Variants in NAALADL2 observed in about 807,000 individuals in gnomAD.
The protein encoded by NAALADL2 is inactive N-acetylated-alpha-linked acidic dipeptidase-like protein 2.
Under a neutral mutation model 87.2 loss-of-function variants are expected in NAALADL2, and 76 were observed. That is an observed-to-expected ratio of 0.87 (90% confidence interval 0.72 to 1.05). The LOEUF is 1.05. Ranked by LOEUF, NAALADL2 falls within the 50% of genes least tolerant of loss-of-function variation. NAALADL2 has a pLI of 0.00. For missense variants in NAALADL2, 1,089 were observed against 945.8 expected (o/e 1.15, Z -1.99); for synonymous variants, 354 against 331.0 (o/e 1.07, Z -0.75).
chr3:174,564,706 A>G lies in NAALADL2; in HGVS notation c.-115+14069A>G, dbSNP rs540113387. On this transcript the variant is annotated intron_variant, in intron 2 of 3. Transcript: ENST00000434257. ...TGCACATACAATTGAGAATTGTTAT[A>G]TATTCCTAATGAATTTAGTGATTTA... is the stretch of plus-strand genomic sequence containing the variant. Among the ~76,000 whole-genome samples, 3 of 152,230 alleles carry G rather than the reference A, an allele frequency of 2.0e-5. No homozygotes were observed. The South Asian group carries it at 6.2e-4, about 32-fold the overall frequency.
chr3:175,302,781 A>G (rs1438016409), intron 4 of NAALADL2, among the ~76,000 whole-genome samples: 1 of 151,904 alleles, frequency 6.6e-6, no homozygotes. Context: ...TGCAGTCACA[A>G]ATATAAATGT....
chr3:175,093,146 TTGAA>T (rs1368642010), intron 1 of NAALADL2, among the ~76,000 whole-genome samples: 18 of 151,792 alleles, frequency 1.2e-4, no homozygotes, highest in African/African-American at 4.1e-4. Flanking sequence ...TAATAAAAAA[TTGAA>T]TGGCATTATT....
chr3:174,623,836 T>A (rs1260660101), intron 2 of NAALADL2, among the ~76,000 whole-genome samples: 1 of 152,066 alleles, frequency 6.6e-6, no homozygotes, highest in Non-Finnish European at 1.5e-5. Context: ...TTACAGAAGG[T>A]GATACAGAAT....
intron 1 of NAALADL2, among the ~76,000 whole-genome samples, chr3:174,883,075 G>A (rs1036624246): frequency 6.6e-6 from 1 of 151,984 alleles, no homozygotes; most frequent in Non-Finnish European, 1.5e-5. Context: ...GAAGCATCCA[G>A]CATGGGGGAA....
intron 11 of NAALADL2, among the ~76,000 whole-genome samples, chr3:175,714,687 C>T (rs1426927005): frequency 6.6e-6 from 1 of 152,114 alleles, no homozygotes; most frequent in African/African-American, 2.4e-5. Flanking sequence ...GTTGCCTGTT[C>T]ACTCTGATGA....
At chr3:175,167,804 C>G (rs1246912850) in intron 2 of NAALADL2, among the ~76,000 whole-genome samples, 1 of 152,052 alleles carries the variant, frequency 6.6e-6, no homozygotes, top group East Asian at 1.9e-4. Context: ...TTCCAACTAC[C>G]TTGCCCAAAG....
At chr3:174,884,558 C>T (rs118024176) in intron 1 of NAALADL2, among the ~76,000 whole-genome samples, 1 of 152,204 alleles carries the variant, frequency 6.6e-6, no homozygotes, top group East Asian at 1.9e-4. Flanking sequence ...TTCTATGAGT[C>T]CACGGATGGT....
intron 9 of NAALADL2, among the ~76,000 whole-genome samples, chr3:175,545,924 C>T (rs977036008): frequency 7.2e-5 from 11 of 152,046 alleles, no homozygotes; most frequent in African/African-American, 2.4e-4. Context: ...TTCTGCAAGA[C>T]AAAGTGATTT....
At chr3:175,632,574 G>T (rs1337765065) in intron 11 of NAALADL2, among the ~76,000 whole-genome samples, 1 of 152,100 alleles carries the variant, frequency 6.6e-6, no homozygotes, top group East Asian at 1.9e-4. Context: ...TTGTGAGACA[G>T]TTTTAAGATT....
At chr3:174,956,823 A>G (rs917310434) in intron 1 of NAALADL2, among the ~76,000 whole-genome samples, 1 of 152,046 alleles carries the variant, frequency 6.6e-6, no homozygotes, top group Non-Finnish European at 1.5e-5. Flanking sequence ...GCATAGGTGC[A>G]TAACAGAAGT....
chr3:175,305,240 G>C (rs1002993877), intron 4 of NAALADL2, among the ~76,000 whole-genome samples: 7 of 140,054 alleles, frequency 5.0e-5, no homozygotes, highest in Non-Finnish European at 1.1e-4. Context: ...GTGTGTGTGT[G>C]TGTTTGTGTA....
chr3:175,783,304 C>A (rs1401543629), intron 13 of NAALADL2, among the ~76,000 whole-genome samples: 22 of 152,030 alleles, frequency 1.4e-4, no homozygotes, highest in Non-Finnish European at 2.2e-4. Flanking sequence ...GGCAGTATGG[C>A]CATTTTCACG....
chr3:175,098,835 G>A (rs1342986808), intron 2 of NAALADL2, among the ~76,000 whole-genome samples: 1 of 150,630 alleles, frequency 6.6e-6, no homozygotes, highest in African/African-American at 2.4e-5. Context: ...ATTACAAAAT[G>A]TCTTCTGGAA....
In NAALADL2 at chr3:175,429,656, A is replaced by T. The variant is rs531368424; in HGVS notation, c.1091-17573A>T. Among the ~76,000 whole-genome samples the T allele has an allele frequency of 7.9e-5, 12 of 152,148 alleles. No homozygotes were observed. In the South Asian group the frequency reaches 2.5e-3, roughly 31 times the overall value. ...GAAACCTTCGCACATATGCAAGTTG[A>T]TGTACATGCAACAAAATTCATGGAG... On this transcript the variant is annotated intron_variant, in intron 5 of 13. Transcript: ENST00000454872.
intron 1 of NAALADL2, among the ~76,000 whole-genome samples, chr3:174,528,407 A>G (rs1160456615): frequency 2.0e-5 from 3 of 152,154 alleles, no homozygotes; most frequent in Non-Finnish European, 2.9e-5. Context: ...AGGCATGTAG[A>G]TCACCTGAGG....
In NAALADL2 at chr3:175,045,664, C is replaced by T. The variant is rs529309125; in HGVS notation, c.44-51126C>T. 2.6e-5 allele frequency among the ~76,000 whole-genome samples: 4 copies of T among 152,282 alleles called. No homozygotes were observed. The South Asian group carries it at 8.3e-4, about 32-fold the overall frequency. ...TGATAATCTAATTATTATGTCAGTT[C>T]TGTTGCCTCTGAGTCACGCAGGGTG... On this transcript the variant is annotated intron_variant, in intron 1 of 13. Coordinates refer to ENST00000454872, the MANE Select transcript of NAALADL2 (RefSeq NM_207015.3).
At chr3:175,692,526 G>A (rs748235852) in intron 11 of NAALADL2, among the ~76,000 whole-genome samples, 2 of 152,020 alleles carry the variant, frequency 1.3e-5, no homozygotes, top group African/African-American at 2.4e-5. Flanking sequence ...TCAGGACATG[G>A]CATTATCCTA....
intron 2 of NAALADL2, among the ~76,000 whole-genome samples, chr3:174,636,517 A>G (rs994036847): frequency 1.3e-5 from 2 of 152,192 alleles, no homozygotes; most frequent in African/African-American, 4.8e-5. Flanking sequence ...ATTTCTCAGA[A>G]GAAAACATAC....
At chr3:175,260,273 T>A (rs908031121) in intron 4 of NAALADL2, among the ~76,000 whole-genome samples, 5 of 152,094 alleles carry the variant, frequency 3.3e-5, no homozygotes, top group Admixed American at 6.5e-5. Flanking sequence ...TTAAAAAAAA[T>A]TTCTGTGTAG....
Sources: gnomAD v4.1 joint callset for allele counts (sites outside exome capture counted in the v4.1 genomes callset) on GRCh38, gnomAD v4.1.1 for gene constraint, MANE v1.5 for transcripts, NCBI Gene and HGNC (gene_info 2026-07-23, HGNC 2026-07-21) for gene names.